The following LUZP2 variants were observed in gnomAD, a reference collection of about 807,000 sequenced individuals.
LUZP2 encodes the protein leucine zipper protein 2.
Under a neutral mutation model 51.6 loss-of-function variants are expected in LUZP2, and 52 were observed. That is an observed-to-expected ratio of 1.01 (90% CI 0.81 to 1.27). The LOEUF is 1.27. Among genes scored for constraint, LUZP2 ranks in the 50% most tolerant of loss-of-function variants. LUZP2 has a pLI of 0.00. For synonymous variants in LUZP2, 154 were observed against 137.3 expected (o/e 1.12, Z -0.85); for missense variants, 436 against 395.4 (o/e 1.10, Z -0.87).
chr11:24,826,682 C>A (rs1050847193), intron 5 of LUZP2, among the ~76,000 whole-genome samples: 3 of 152,084 alleles, frequency 2.0e-5, no homozygotes, highest in African/African-American at 7.2e-5. Context: ...TCCCTGCCCA[C>A]AAATGGAAAT....
intron 4 of LUZP2, among the ~76,000 whole-genome samples, chr11:24,741,922 TTATATATTATATATAAATATATA>T: frequency 5.6e-5 from 1 of 18,016 alleles, no homozygotes; most frequent in East Asian, 4.0e-3. Context: ...ATATATACAT[TTATATATTATATATAAATATATA>T]CATTTATATA....
chr11:24,780,063 T>G (rs1849044719), intron 5 of LUZP2, among the ~76,000 whole-genome samples: 1 of 152,192 alleles, frequency 6.6e-6, no homozygotes, highest in African/African-American at 2.4e-5. Flanking sequence ...CTTTCAAAAT[T>G]ATTAAATAAT....
At chr11:24,529,570 A>G (rs1306878271) in intron 1 of LUZP2, among the ~76,000 whole-genome samples, 1 of 151,110 alleles carries the variant, frequency 6.6e-6, no homozygotes, top group African/African-American at 2.4e-5. Flanking sequence ...TAATGTGTCC[A>G]TGATCAGGGT....
At chr11:24,800,171 T>G (rs1409562348) in intron 5 of LUZP2, among the ~76,000 whole-genome samples, 1 of 152,116 alleles carries the variant, frequency 6.6e-6, no homozygotes. Flanking sequence ...TTCACTTTCC[T>G]TATCCTACAC....
In LUZP2 at chr11:24,561,718, T is replaced by C. The variant is rs1174708852; in HGVS notation, c.62+64413T>C. Among the ~76,000 whole-genome samples, 4 of 151,926 alleles carry C rather than the reference T, an allele frequency of 2.6e-5. No individual in the cohort carries two copies. The East Asian group carries it at 7.8e-4, about 29-fold the overall frequency. On this transcript the variant is annotated intron_variant, in intron 1 of 11. Transcript: ENST00000336930. ...GGATAGCATTAGGAGAAATACCTAA[T>C]GCAGATCATGGGTTGATGGGTGCAG... is the stretch of plus-strand genomic sequence containing the variant.
chr11:24,526,447 A>G (rs904632816), intron 1 of LUZP2, among the ~76,000 whole-genome samples: 1 of 86,336 alleles, frequency 1.2e-5, no homozygotes, highest in African/African-American at 3.5e-5. Context: ...TTTTAATCCT[A>G]CTCTCTACTC....
chr11:24,635,766 A>G (rs1222002965), intron 1 of LUZP2, among the ~76,000 whole-genome samples: 1 of 152,130 alleles, frequency 6.6e-6, no homozygotes, highest in Non-Finnish European at 1.5e-5. Flanking sequence ...AGTGCTGGGG[A>G]GAACATTTGA....
chr11:24,748,506 C>T (rs941191286), intron 4 of LUZP2, among the ~76,000 whole-genome samples: 5 of 151,214 alleles, frequency 3.3e-5, no homozygotes, highest in Non-Finnish European at 7.4e-5. Context: ...TGTGGTCAGG[C>T]TGGAGTGCAG....
chr11:24,829,145 G>A (rs112501720), intron 5 of LUZP2, among the ~76,000 whole-genome samples: 71 of 152,258 alleles, frequency 4.7e-4, no homozygotes, highest in African/African-American at 1.6e-3. Flanking sequence ...AGATAAGCCT[G>A]AATAACCTGC....
At chr11:24,655,610 G>A (rs1855775566) in intron 1 of LUZP2, among the ~76,000 whole-genome samples, 1 of 152,206 alleles carries the variant, frequency 6.6e-6, no homozygotes, top group Non-Finnish European at 1.5e-5. Flanking sequence ...AGAAATGCAT[G>A]CAGAGTAGAT....
intron 1 of LUZP2, among the ~76,000 whole-genome samples, chr11:24,596,449 A>G (rs988977758): frequency 6.6e-6 from 1 of 151,944 alleles, no homozygotes; most frequent in African/African-American, 2.4e-5. Context: ...AATAGGATCT[A>G]AGGAGGGTAT....
chr11:24,515,286 T>G (rs1850429889), intron 1 of LUZP2, among the ~76,000 whole-genome samples: 1 of 152,186 alleles, frequency 6.6e-6, no homozygotes, highest in Non-Finnish European at 1.5e-5. Context: ...ACATCCTCTG[T>G]AACTTACTCT....
At chr11:25,002,263 A>G (rs1049313092) in intron 9 of LUZP2, among the ~76,000 whole-genome samples, 1 of 152,188 alleles carries the variant, frequency 6.6e-6, no homozygotes, top group Non-Finnish European at 1.5e-5. Flanking sequence ...TTCATATCCC[A>G]TTCTCCACAA....
At chr11:24,753,894 G>A (rs1859680387) in intron 4 of LUZP2, among the ~76,000 whole-genome samples, 1 of 152,040 alleles carries the variant, frequency 6.6e-6, no homozygotes. Flanking sequence ...AAAATATTCT[G>A]ACTTTTTAAA....
In LUZP2 at chr11:25,071,325, A is replaced by G. The variant is rs367758608; in HGVS notation, c.859-6004A>G. Among the ~76,000 whole-genome samples, 40 of 152,102 alleles carry G rather than the reference A, an allele frequency of 2.6e-4. No individual in the cohort carries two copies. In the East Asian group the frequency reaches 6.8e-3, roughly 26 times the overall value. On this transcript the variant is annotated intron_variant, in intron 10 of 11. Coordinates refer to ENST00000336930, the MANE Select transcript of LUZP2 (RefSeq NM_001009909.4). ...ACGAGTTAACGGGTGCAGCACACCA[A>G]CATGGCACATGTATACATATGTAAC... is the stretch of plus-strand genomic sequence containing the variant.
chr11:24,522,938 T>G (rs540742583), intron 1 of LUZP2, among the ~76,000 whole-genome samples: 2 of 152,086 alleles, frequency 1.3e-5, no homozygotes, highest in African/African-American at 4.8e-5. Context: ...ACCCCAAACT[T>G]CTGTGCCTTA....
intron 10 of LUZP2, among the ~76,000 whole-genome samples, chr11:25,054,672 T>A: frequency 6.6e-6 from 1 of 152,250 alleles, no homozygotes; most frequent in Admixed American, 6.5e-5. Context: ...ATTTTTTAAT[T>A]GATTTATCCT....
chr11:24,684,298 T>A (rs1856832858), intron 1 of LUZP2, among the ~76,000 whole-genome samples: 1 of 152,212 alleles, frequency 6.6e-6, no homozygotes, highest in Non-Finnish European at 1.5e-5. Flanking sequence ...CTTTTTAACC[T>A]AGGCCTCTAG....
intron 9 of LUZP2, among the ~76,000 whole-genome samples, chr11:24,997,662 G>T (rs1469989209): frequency 6.6e-6 from 1 of 151,994 alleles, no homozygotes; most frequent in Non-Finnish European, 1.5e-5. Context: ...TGTTGCCATT[G>T]CTTTTGGTGT....
Sources: allele counts gnomAD v4.1 joint callset (sites outside exome capture counted in the v4.1 genomes callset), GRCh38; gene constraint gnomAD v4.1.1; transcripts MANE v1.5; gene names NCBI Gene and HGNC (gene_info 2026-07-23, HGNC 2026-07-21).